The following NRG3 variants were observed in gnomAD, a reference collection of about 807,000 sequenced individuals.
NRG3 encodes the protein neuregulin 3.
Under a neutral mutation model 66.9 loss-of-function variants are expected in NRG3, and 31 were observed. The ratio of observed to expected loss-of-function variants is 0.46; its 90% CI spans 0.35 to 0.63. The LOEUF is 0.63. NRG3 is among the 20% of genes least tolerant of loss of function. NRG3 has a pLI of 0.00. For missense variants in NRG3, 910 were observed against 878.9 expected (o/e 1.04, Z -0.45); for synonymous variants, 393 against 359.4 (o/e 1.09, Z -1.06).
At chr10:82,625,273 A>G (rs1293341525) in intron 2 of NRG3, among the ~76,000 whole-genome samples, 1 of 152,000 alleles carries the variant, frequency 6.6e-6, no homozygotes, top group East Asian at 1.9e-4. Context: ...GCACTTTTCT[A>G]TTTCCTACAC....
chr10:82,080,094 A>C (rs2065303702), intron 1 of NRG3, among the ~76,000 whole-genome samples: 1 of 152,204 alleles, frequency 6.6e-6, no homozygotes, highest in Non-Finnish European at 1.5e-5. Context: ...GCTGTTGAAG[A>C]ATGGCATGGA....
chr10:82,779,634 G>A (rs551755567), intron 3 of NRG3, among the ~76,000 whole-genome samples: 8 of 151,764 alleles, frequency 5.3e-5, no homozygotes, highest in Non-Finnish European at 1.0e-4. Flanking sequence ...AGTTCCTGCC[G>A]GAAGTTTTAT....
chr10:81,994,122 T>C (rs950297307), intron 1 of NRG3, among the ~76,000 whole-genome samples: 1 of 152,210 alleles, frequency 6.6e-6, no homozygotes, highest in African/African-American at 2.4e-5. Flanking sequence ...TAAAGTGTTA[T>C]CAGTTTCATT....
At chr10:82,012,915 TA>T (rs779482190) in intron 1 of NRG3, among the ~76,000 whole-genome samples, 11 of 152,208 alleles carry the variant, frequency 7.2e-5, no homozygotes, top group Non-Finnish European at 1.5e-4. Context: ...TAGGAAGTTT[TA>T]AACCTTCCCA....
intron 1 of NRG3, among the ~76,000 whole-genome samples, chr10:81,900,406 C>G (rs188982665): frequency 6.6e-6 from 1 of 152,206 alleles, no homozygotes; most frequent in African/African-American, 2.4e-5. Flanking sequence ...TAAATTACTC[C>G]AGAAATTAAG....
chr10:82,896,008 G>T (rs1056257381), intron 4 of NRG3, among the ~76,000 whole-genome samples: 5 of 152,140 alleles, frequency 3.3e-5, no homozygotes, highest in African/African-American at 1.2e-4. Flanking sequence ...GTGCCTCTGT[G>T]GTCTATGAGT....
rs551677195 is a variant in NRG3, at chr10:82,163,674, A to G, written c.824-195065A>G. The stretch of plus-strand genomic sequence containing the variant: ...AAGATCTCTGTGAAGGCTGAGGAGG[A>G]GCAATCTAGGCAATGCCTCCAGGTA... On this transcript the variant is annotated intron_variant, in intron 1 of 8. Coordinates refer to ENST00000372141, the MANE Select transcript of NRG3 (RefSeq NM_001010848.4). Among the ~76,000 whole-genome samples, 63 of 152,260 alleles carry G rather than the reference A, an allele frequency of 4.1e-4. 1 individual carries two copies. The highest frequency in any genetic ancestry group is 1.4e-3 in the African/African-American group (59 of 41,566).
chr10:82,827,105 T>A (rs2062255115), intron 3 of NRG3: 1 of 332,736 alleles, frequency 3.0e-6, no homozygotes, highest in African/African-American at 2.3e-5. Flanking sequence ...GAAAAATAAC[T>A]CTTGATATTG....
chr10:82,332,303 C>T (rs1484994016), intron 1 of NRG3, among the ~76,000 whole-genome samples: 1 of 152,130 alleles, frequency 6.6e-6, no homozygotes, highest in African/African-American at 2.4e-5. Context: ...GAAGCCTACG[C>T]CTCACATTTG....
Position 82,076,276 on chromosome 10 carries a change from C to T in NRG3, c.823+200113C>T, listed in dbSNP as rs150964451. Among the ~76,000 whole-genome samples the T allele has an allele frequency of 1.3e-3, 191 of 152,278 alleles. No homozygotes were observed. In the Middle Eastern group the frequency reaches 0.014, roughly 11 times the overall value. ...TGTGTCCCGCGTAACTGTAGTTGCA[C>T]GCCCTCATTGTGAATATAAGTAAGA... On this transcript the variant is annotated intron_variant, in intron 1 of 8. Coordinates refer to ENST00000372141, the MANE Select transcript of NRG3 (RefSeq NM_001010848.4).
chr10:82,083,986 G>T (rs375133162), intron 1 of NRG3, among the ~76,000 whole-genome samples: 6 of 151,566 alleles, frequency 4.0e-5, no homozygotes, highest in Non-Finnish European at 8.8e-5. Context: ...ACAGCACTTC[G>T]GGAGGCTGAG....
chr10:81,978,095 A>G (rs554025770), intron 1 of NRG3, among the ~76,000 whole-genome samples: 2 of 152,254 alleles, frequency 1.3e-5, no homozygotes, highest in South Asian at 2.1e-4. Context: ...CAGTCATCCT[A>G]TAGTGCTATA....
chr10:82,582,662 T>TGTGTGTGTGTG (rs2046424060), intron 2 of NRG3, among the ~76,000 whole-genome samples: 1 of 146,378 alleles, frequency 6.8e-6, no homozygotes, highest in African/African-American at 2.5e-5. Flanking sequence ...TCTATATGTG[T>TGTGTGTGTGTG]TGTGTGTGTG....
intron 2 of NRG3, among the ~76,000 whole-genome samples, chr10:82,526,662 A>T (rs1846737435): frequency 6.6e-6 from 1 of 151,986 alleles, no homozygotes; most frequent in South Asian, 2.1e-4. Flanking sequence ...TCATTTTATA[A>T]TCATGAAGGT....
rs533847454 is a variant in NRG3, at chr10:82,745,874, A to G, written c.1027+7224A>G. On this transcript the variant is annotated intron_variant, in intron 3 of 8. Transcript: ENST00000372141. Reference sequence around the variant, plus strand: ...ATTTTCTACTTTTTCTGTGGCATACATATGTATTCATTTTTATTTGTTTGT... The same window carrying G: ...ATTTTCTACTTTTTCTGTGGCATACGTATGTATTCATTTTTATTTGTTTGT... Among the ~76,000 whole-genome samples the G allele has an allele frequency of 3.3e-5, 5 of 152,212 alleles. No homozygotes were observed. The East Asian group carries it at 7.7e-4, about 24-fold the overall frequency.
chr10:82,410,933 G>T (rs567917614), intron 2 of NRG3, among the ~76,000 whole-genome samples: 1 of 151,992 alleles, frequency 6.6e-6, no homozygotes, highest in African/African-American at 2.4e-5. Flanking sequence ...ATAAAATATG[G>T]TATATTTCTG....
intron 1 of NRG3, among the ~76,000 whole-genome samples, chr10:81,921,455 T>C (rs1212683286): frequency 2.6e-5 from 4 of 152,150 alleles, no homozygotes; most frequent in Non-Finnish European, 4.4e-5. Flanking sequence ...TCTGGATTTT[T>C]CCCCAAGTCA....
intron 2 of NRG3, among the ~76,000 whole-genome samples, chr10:82,627,867 G>A (rs908756902): frequency 7.2e-5 from 11 of 152,160 alleles, no homozygotes; most frequent in Admixed American, 7.2e-4. Context: ...CAGTCATATG[G>A]CAAAACAAGA....
chr10:82,369,063 C>A (rs2135717608), intron 2 of NRG3, among the ~76,000 whole-genome samples: 1 of 138,508 alleles, frequency 7.2e-6, no homozygotes. Flanking sequence ...CCTGAGCATG[C>A]TATTTCTTTC....
Sources: allele counts gnomAD v4.1 joint callset (sites outside exome capture counted in the v4.1 genomes callset), GRCh38; gene constraint gnomAD v4.1.1; transcripts MANE v1.5; gene names NCBI Gene and HGNC (gene_info 2026-07-23, HGNC 2026-07-21).